FAM107B: variants seen among roughly 807,000 people sequenced by gnomAD.
FAM107B encodes protein FAM107B.
In FAM107B, 21 loss-of-function variants were observed where a neutral mutation model predicts 31.5. The ratio of observed to expected loss-of-function variants is 0.67; its 90% CI spans 0.47 to 0.96. The LOEUF is 0.96. Ranked by LOEUF, FAM107B falls within the 40% of genes least tolerant of loss-of-function variation. The pLI is 0.00. For synonymous variants in FAM107B, 157 were observed against 141.5 expected (o/e 1.11, Z -0.78); for missense variants, 452 against 377.1 (o/e 1.20, Z -1.64).
intron 1 of FAM107B, among the ~76,000 whole-genome samples, chr10:14,699,266 A>G (rs1364682173): frequency 6.6e-6 from 1 of 152,190 alleles, no homozygotes; most frequent in Non-Finnish European, 1.5e-5. Flanking sequence ...GGGTTGATGT[A>G]TTTATATAGA....
intron 1 of FAM107B, among the ~76,000 whole-genome samples, chr10:14,682,960 C>T (rs1182966319): frequency 6.6e-6 from 1 of 151,924 alleles, no homozygotes; most frequent in African/African-American, 2.4e-5. Context: ...CGTGGAATCC[C>T]GGACATAAGG....
At chr10:14,757,601 G>C (rs554404620) in intron 1 of FAM107B, among the ~76,000 whole-genome samples, 1 of 152,210 alleles carries the variant, frequency 6.6e-6, no homozygotes, top group South Asian at 2.1e-4. Context: ...TGTGATGCAA[G>C]AAACCACTGC....
intron 2 of FAM107B, among the ~76,000 whole-genome samples, chr10:14,541,452 C>T (rs1246093192): frequency 6.6e-6 from 1 of 152,178 alleles, no homozygotes; most frequent in Non-Finnish European, 1.5e-5. Context: ...TTCCCATCTC[C>T]ACCTCTGCTT....
chr10:14,750,467 C>A (rs1344425022), intron 1 of FAM107B, among the ~76,000 whole-genome samples: 1 of 152,098 alleles, frequency 6.6e-6, no homozygotes, highest in Non-Finnish European at 1.5e-5. Flanking sequence ...CAAAAATTAG[C>A]TGGGCGGGAT....
chr10:14,634,615 C>T (rs7907109), intron 2 of FAM107B, among the ~76,000 whole-genome samples: 6,207 of 152,052 alleles, frequency 0.041, 189 homozygotes, highest in African/African-American at 0.087. Flanking sequence ...AAAAAAAACC[C>T]CAAAACCAAC....
chr10:14,613,339 C>T (rs191782611), intron 2 of FAM107B, among the ~76,000 whole-genome samples: 59 of 152,202 alleles, frequency 3.9e-4, no homozygotes, highest in African/African-American at 1.3e-3. Flanking sequence ...CCTAGTGGTA[C>T]GGAAATTGAT....
chr10:14,583,308 G>A (rs1235318028), intron 2 of FAM107B, among the ~76,000 whole-genome samples: 3 of 152,102 alleles, frequency 2.0e-5, no homozygotes, highest in East Asian at 3.9e-4. Context: ...AGGACAGCCT[G>A]TGTCTTATTT....
chr10:14,582,787 A>G (rs1851685887), intron 2 of FAM107B, among the ~76,000 whole-genome samples: 1 of 152,068 alleles, frequency 6.6e-6, no homozygotes, highest in Non-Finnish European at 1.5e-5. Context: ...TATTTTATTG[A>G]TAAGAAAGAC....
At chr10:14,610,996 T>C (rs1180297478) in intron 2 of FAM107B, among the ~76,000 whole-genome samples, 1 of 152,210 alleles carries the variant, frequency 6.6e-6, no homozygotes, top group Non-Finnish European at 1.5e-5. Context: ...CTCTATGAAA[T>C]GGTGGTTCTA....
intron 2 of FAM107B, among the ~76,000 whole-genome samples, chr10:14,625,124 C>A (rs1218599229): frequency 2.0e-5 from 3 of 151,194 alleles, no homozygotes; most frequent in Non-Finnish European, 4.4e-5. Context: ...ACTTGGGAGG[C>A]TGAGGCAGGA....
intron 1 of FAM107B, among the ~76,000 whole-genome samples, chr10:14,683,224 ATCTAATC>A (rs11276850): frequency 0.25 from 38,359 of 151,860 alleles, 5,729 homozygotes; most frequent in Admixed American, 0.34. Context: ...TTTTTGGGAA[ATCTAATC>A]TACAGTGGAA....
rs145094664 is a variant in FAM107B, at chr10:14,649,054, C to G, written c.469+18580G>C. Among the ~76,000 whole-genome samples, 23 of 152,350 alleles carry G rather than the reference C, an allele frequency of 1.5e-4. No homozygotes were observed. In the East Asian group the frequency reaches 4.4e-3, roughly 29 times the overall value. Reference sequence around the variant, plus strand: ...GCCCCACAACCAGCTGAATGGACCTCTCCTCTTGGCCAAGGGCATTCTAAA... The same window carrying G: ...GCCCCACAACCAGCTGAATGGACCTGTCCTCTTGGCCAAGGGCATTCTAAA... On this transcript the variant is annotated intron_variant, in intron 2 of 4. Transcript: ENST00000181796.
At chr10:14,528,549 G>A (rs1846585428) in intron 3 of FAM107B, among the ~76,000 whole-genome samples, 1 of 152,104 alleles carries the variant, frequency 6.6e-6, no homozygotes, top group Admixed American at 6.6e-5. Context: ...GATCTCAAGA[G>A]GGGATACCTT....
chr10:14,773,427 G>A (rs544463822), intron 1 of FAM107B, among the ~76,000 whole-genome samples: 1 of 152,292 alleles, frequency 6.6e-6, no homozygotes, highest in Non-Finnish European at 1.5e-5. Flanking sequence ...TTTAAGTCTG[G>A]TCCTAAGCTA....
intron 2 of FAM107B, among the ~76,000 whole-genome samples, chr10:14,629,439 A>AT (rs1564606906): frequency 0.024 from 148 of 6,228 alleles, 19 homozygotes; most frequent in East Asian, 0.12. Context: ...TATATATTAT[A>AT]TATATATTAT....
chr10:14,712,940 T>A lies in FAM107B; in HGVS notation c.412-45249A>T, dbSNP rs184624809. Among the ~76,000 whole-genome samples the A allele has an allele frequency of 1.7e-3, 261 of 152,318 alleles. 6 individuals are homozygous for A. The highest frequency in any genetic ancestry group is 0.013 in the Admixed American group (203 of 15,298). ...TGCCCACTTTTCACTTTAGGGCTTT[T>A]TGGTTCCTTCCTGGACCCTCTTCCT... On this transcript the variant is annotated intron_variant, in intron 1 of 4. Transcript: ENST00000181796.
rs3035297 is a variant in FAM107B at position 14,663,887 on chromosome 10, CAA to C, written c.469+3745_469+3746del. Among the ~76,000 whole-genome samples, 134 of 80,380 alleles carry C rather than the reference CAA, an allele frequency of 1.7e-3. 1 individual carries two copies. Among genetic ancestry groups the C allele is most frequent in the Middle Eastern group, 0.01 (1 of 98 alleles). The allele number at this position is 80,380 out of a possible 152,430, so 52.7% of individuals were successfully genotyped here. On this transcript the variant is annotated intron_variant, in intron 2 of 4. Transcript: ENST00000181796. Reference sequence around the variant, plus strand: ...GATGCCCAAGAATTAGATCATCAGCCAAAAAAAAAAAAAAAAAAAAAAAAAAT... The same window carrying C: ...GATGCCCAAGAATTAGATCATCAGCCAAAAAAAAAAAAAAAAAAAAAAAAT...
chr10:14,631,164 T>C (rs1853344928), intron 2 of FAM107B, among the ~76,000 whole-genome samples: 3 of 152,168 alleles, frequency 2.0e-5, no homozygotes, highest in Admixed American at 2.0e-4. Context: ...CTCACATCTT[T>C]TTTCTCACAG....
At chr10:14,710,475 CACAA>C (rs944548992) in intron 1 of FAM107B, among the ~76,000 whole-genome samples, 2 of 126,896 alleles carry the variant, frequency 1.6e-5, no homozygotes, top group African/African-American at 6.0e-5. Context: ...CACACACACA[CACAA>C]AATGTTTAAA....
Sources: gnomAD v4.1 joint callset for allele counts (sites outside exome capture counted in the v4.1 genomes callset) on GRCh38, gnomAD v4.1.1 for gene constraint, MANE v1.5 for transcripts, NCBI Gene and HGNC (gene_info 2026-07-23, HGNC 2026-07-21) for gene names.